Variants in CPNE8 observed in about 807,000 individuals in gnomAD.
The protein encoded by CPNE8 is copine 8, also known as copine-8.
In CPNE8, 45 loss-of-function variants were observed where a neutral mutation model predicts 81.5. The ratio of observed to expected loss-of-function variants is 0.55; its 90% confidence interval spans 0.44 to 0.71. CPNE8 has a LOEUF of 0.71. Ranked by LOEUF, CPNE8 falls within the 30% of genes least tolerant of loss-of-function variation. The pLI, the probability that CPNE8 is intolerant of heterozygous loss-of-function variation, is 0.00. For missense variants in CPNE8, 594 were observed against 672.1 expected, an observed-to-expected ratio of 0.88 and a Z score of 1.28; for synonymous variants, 252 against 226.3, an observed-to-expected ratio of 1.11 and a Z score of -1.02.
chr12:38,741,245 C>T (rs1372674377), intron 10 of CPNE8, among the ~76,000 whole-genome samples: 1 of 152,114 alleles, frequency 6.6e-6, no homozygotes, highest in African/African-American at 2.4e-5. Context: ...GCCAAAAGAA[C>T]AAAGCTGGAG....
intron 10 of CPNE8, among the ~76,000 whole-genome samples, chr12:38,732,807 T>C (rs1249912588): frequency 6.6e-6 from 1 of 151,980 alleles, no homozygotes; most frequent in Non-Finnish European, 1.5e-5. Context: ...CAGAATAAGA[T>C]AGAACATACA....
chr12:38,675,061 C>G (rs554537091), intron 18 of CPNE8, among the ~76,000 whole-genome samples: 1 of 152,198 alleles, frequency 6.6e-6, no homozygotes, highest in South Asian at 2.1e-4. Context: ...ACTCGTTACA[C>G]AAACATTTGT....
chr12:38,806,874 C>A (rs1942819810), intron 6 of CPNE8, among the ~76,000 whole-genome samples: 2 of 151,098 alleles, frequency 1.3e-5, no homozygotes, highest in Non-Finnish European at 3.0e-5. Context: ...AGCCCAAAAT[C>A]TCCTTAAGCT....
intron 1 of CPNE8, among the ~76,000 whole-genome samples, chr12:38,885,486 A>C (rs1944224468): frequency 6.6e-6 from 1 of 152,212 alleles, no homozygotes; most frequent in Admixed American, 6.5e-5. Context: ...TTTAGTTGTA[A>C]GTTACAGAAG....
chr12:38,802,766 T>A (rs1047041202), intron 6 of CPNE8, among the ~76,000 whole-genome samples: 2 of 145,490 alleles, frequency 1.4e-5, no homozygotes, highest in African/African-American at 5.1e-5. Context: ...CTAGCAAGAC[T>A]AATAAAGAAA....
chr12:38,786,506 G>T (rs1156701466), intron 6 of CPNE8, among the ~76,000 whole-genome samples: 1 of 152,114 alleles, frequency 6.6e-6, no homozygotes, highest in East Asian at 1.9e-4. Context: ...CAGACTCCAA[G>T]TTCTTCAGTT....
chr12:38,783,816 T>C (rs1942106906), intron 6 of CPNE8, among the ~76,000 whole-genome samples: 1 of 152,228 alleles, frequency 6.6e-6, no homozygotes, highest in Admixed American at 6.5e-5. Flanking sequence ...ATTGGTGGGC[T>C]TTGGCCCCTA....
At chr12:38,811,218 TA>T (rs139617113) in intron 6 of CPNE8, among the ~76,000 whole-genome samples, 10 of 150,608 alleles carry the variant, frequency 6.6e-5, no homozygotes, top group South Asian at 2.1e-4. Flanking sequence ...ATTGCGTATA[TA>T]AAAAAAAACC....
intron 16 of CPNE8, among the ~76,000 whole-genome samples, chr12:38,685,209 T>C (rs1284936909): frequency 2.6e-5 from 4 of 152,338 alleles, no homozygotes; most frequent in Admixed American, 2.6e-4. Flanking sequence ...ATTTTCCTCA[T>C]GGATGCCTTT....
rs1231538454 is a variant in CPNE8, at chr12:38,762,187, A to G, written c.605T>C (p.Val202Ala). 1.9e-6 allele frequency: 3 copies of G among 1,605,054 alleles called. No individual in the cohort carries two copies. Among genetic ancestry groups the G allele is most frequent in the Non-Finnish European group, 2.6e-6 (3 of 1,174,868 alleles). The change falls in exon 9 of 20, where the codon GTC (valine) becomes GCC (alanine). Residue 202 changes from valine to alanine, a missense_variant. By Grantham distance (64) the Val-to-Ala change is moderately conservative. Coordinates refer to ENST00000331366, the MANE Select transcript of CPNE8 (RefSeq NM_153634.3). Reference protein sequence around the residue: ...SFTICHKTEVVKNTLNPVWQA... With the variant: ...SFTICHKTEVAKNTLNPVWQA... ...CCATACTGGATTTAGAGTGTTTTTG[A>G]CAACTTCTGTCTTGTGACAAATTGT...
chr12:38,784,321 A>G (rs187327801), intron 6 of CPNE8, among the ~76,000 whole-genome samples: 88 of 152,288 alleles, frequency 5.8e-4, no homozygotes, highest in African/African-American at 2.0e-3. Flanking sequence ...CATTCAGAGA[A>G]GACAAAAGAA....
intron 12 of CPNE8, among the ~76,000 whole-genome samples, 196 bp from the exon 13 acceptor site, chr12:38,724,029 A>G (rs1370270575): frequency 6.6e-6 from 1 of 152,164 alleles, no homozygotes; most frequent in Admixed American, 6.5e-5. Flanking sequence ...AAATTAACCA[A>G]TGTCTTTCTA....
At chr12:38,667,088 T>A (rs1939073151) in intron 19 of CPNE8, among the ~76,000 whole-genome samples, 1 of 152,192 alleles carries the variant, frequency 6.6e-6, no homozygotes, top group South Asian at 2.1e-4. Context: ...GAACCTCAGC[T>A]ACATACTATT....
Position 38,871,727 on chromosome 12 carries a change from C to T in CPNE8, c.186+1277G>A, listed in dbSNP as rs893209240. ...AAACTCAGGATGACTACAAAAATTG[C>T]AGTTTCATATTTTGGCTGGTAGTTT... On this transcript the variant is annotated intron_variant, in intron 3 of 19. Transcript: ENST00000331366. Among the ~76,000 whole-genome samples the T allele has an allele frequency of 5.9e-5, 9 of 152,084 alleles. 1 individual carries two copies. Among genetic ancestry groups the T allele is most frequent in the Non-Finnish European group, 1.3e-4 (9 of 68,012 alleles).
chr12:38,732,662 T>C (rs940669293), intron 10 of CPNE8, among the ~76,000 whole-genome samples: 4 of 151,964 alleles, frequency 2.6e-5, no homozygotes, highest in African/African-American at 7.2e-5. Flanking sequence ...TAGCAAGACA[T>C]GTCTTCATGA....
intron 14 of CPNE8, among the ~76,000 whole-genome samples, chr12:38,700,980 T>G (rs540407832): frequency 6.6e-6 from 1 of 152,304 alleles, no homozygotes; most frequent in Non-Finnish European, 1.5e-5. Context: ...TTACCCAGTC[T>G]TGGGTATGTC....
intron 13 of CPNE8, among the ~76,000 whole-genome samples, chr12:38,713,227 C>A (rs1940304283): frequency 6.6e-6 from 1 of 152,124 alleles, no homozygotes; most frequent in Admixed American, 6.5e-5. Context: ...AACATTTATT[C>A]CTTATTGAAT....
intron 13 of CPNE8, among the ~76,000 whole-genome samples, chr12:38,713,673 T>C (rs1215865860): frequency 6.6e-6 from 1 of 152,220 alleles, no homozygotes; most frequent in Non-Finnish European, 1.5e-5. Flanking sequence ...AATTAGTCTG[T>C]ATTTATTCAA....
intron 6 of CPNE8, among the ~76,000 whole-genome samples, chr12:38,799,243 T>C (rs78624288): frequency 1.3e-5 from 2 of 152,052 alleles, no homozygotes; most frequent in Non-Finnish European, 1.5e-5. Flanking sequence ...CAACAGAATA[T>C]ACATTTTTTT....
Sources: gnomAD v4.1 joint callset for allele counts (sites outside exome capture counted in the v4.1 genomes callset) on GRCh38, gnomAD v4.1.1 for gene constraint, MANE v1.5 for transcripts, NCBI Gene and HGNC (gene_info 2026-07-23, HGNC 2026-07-21) for gene names.